The following ZC3H14 variants were observed in gnomAD, a reference collection of about 807,000 sequenced individuals.
ZC3H14 encodes zinc finger CCCH domain-containing protein 14.
ZC3H14 carries 31 observed loss-of-function variants against 92.4 expected under a neutral mutation model. That is an observed-to-expected ratio of 0.34 (90% CI 0.25 to 0.45). The LOEUF is 0.45. ZC3H14 is among the 20% of genes least tolerant of loss of function. The pLI is 1.00. For synonymous variants in ZC3H14, 321 were observed against 300.9 expected (o/e 1.07, Z -0.69); for missense variants, 781 against 897.3 (o/e 0.87, Z 1.66).
chr14:88,576,117 C>T (rs530451891), intron 8 of ZC3H14, among the ~76,000 whole-genome samples, 177 bp downstream of exon 8: 6 of 152,322 alleles, frequency 3.9e-5, no homozygotes, highest in South Asian at 2.1e-4. Context: ...TGAGAAACTT[C>T]GCCAACTGTT....
In ZC3H14 at chr14:88,601,988, GCTGT is replaced by G. The variant is rs977284867; in HGVS notation, c.1423_1426del (p.Ser475ArgfsTer3). 6.2e-7 allele frequency: 1 copy of G among 1,614,062 alleles called. No individual in the cohort carries two copies. Among genetic ancestry groups the G allele is most frequent in the Non-Finnish European group, 8.5e-7 (1 of 1,180,032 alleles). On this transcript the variant is annotated frameshift_variant, in exon 11 of 17. Coordinates refer to ENST00000251038, the MANE Select transcript of ZC3H14 (RefSeq NM_024824.5). LOFTEE classifies it high-confidence loss of function. ...GATCATTTATTCTGAAGAAGCCAAA[GCTGT>G]CTGAGGAAGTAGTAGTGGCACCAAA...
chr14:88,566,389 G>A (rs1002180392), intron 2 of ZC3H14, among the ~76,000 whole-genome samples: 7 of 152,016 alleles, frequency 4.6e-5, no homozygotes, highest in African/African-American at 1.7e-4. Flanking sequence ...GGTAATTTAT[G>A]GAGTACTTAC....
At position 88,607,459 on chromosome 14, in the gene ZC3H14, C is replaced by T. The variant is rs193042487; in HGVS notation, c.1868+96C>T. 4.9e-4 allele frequency: 670 copies of T among 1,368,964 alleles called. 2 individuals carry two copies. In the African/African-American group the frequency reaches 7.8e-3, roughly 16 times the overall value. The allele number at this position is 1,368,964 out of a possible 1,614,324, so 84.8% of individuals were successfully genotyped here. On this transcript the variant is annotated intron_variant, in intron 13 of 16. Transcript: ENST00000251038. The stretch of plus-strand genomic sequence containing the variant: ...CCCCATCTCACCTGGCAAGTACCAT[C>T]CCATCTCACCCAGCAAGTACCATCC...
intron 15 of ZC3H14, 130 bp from the exon 16 acceptor site, chr14:88,610,704 T>C (rs1362607007): frequency 2.3e-6 from 2 of 860,480 alleles, no homozygotes; most frequent in African/African-American, 3.4e-5. Context: ...CTCGGGAGAC[T>C]GAGGCAAGAG....
chr14:88,604,081 A>G (rs944697348), intron 12 of ZC3H14, among the ~76,000 whole-genome samples: 1 of 152,152 alleles, frequency 6.6e-6, no homozygotes, highest in Non-Finnish European at 1.5e-5. Flanking sequence ...TTGACTCTGT[A>G]TGTTTTGTCT....
At chr14:88,564,253 C>T (rs1347373556) in intron 2 of ZC3H14, among the ~76,000 whole-genome samples, 1 of 152,202 alleles carries the variant, frequency 6.6e-6, no homozygotes, top group Non-Finnish European at 1.5e-5. Flanking sequence ...TGTTTTCCCT[C>T]TCTCTCTGAA....
At chr14:88,578,789 T>TTG (rs2081512662) in intron 9 of ZC3H14, among the ~76,000 whole-genome samples, 1 of 147,240 alleles carries the variant, frequency 6.8e-6, no homozygotes, top group South Asian at 2.2e-4. Context: ...AGGTTTTTTT[T>TTG]TTTTTTTTTT....
chr14:88,570,613 T>C (rs1337461823), intron 3 of ZC3H14, among the ~76,000 whole-genome samples: 5 of 152,216 alleles, frequency 3.3e-5, no homozygotes, highest in East Asian at 1.9e-4. Context: ...ACAGTAAATC[T>C]TTAGTACTTA....
In ZC3H14 at chr14:88,607,447, G is replaced by T. The variant is rs188314070; in HGVS notation, c.1868+84G>T. The stretch of plus-strand genomic sequence containing the variant: ...GCAAGTACCATCCCCCATCTCACCT[G>T]GCAAGTACCATCCCATCTCACCCAG... On this transcript the variant is annotated intron_variant, in intron 13 of 16. Coordinates refer to ENST00000251038, the MANE Select transcript of ZC3H14 (RefSeq NM_024824.5). 744 of 1,367,622 alleles carry T rather than the reference G, an allele frequency of 5.4e-4. 2 individuals carry two copies. In the African/African-American group the frequency reaches 0.013, roughly 25 times the overall value. The allele number at this position is 1,367,622 out of a possible 1,614,324, so 84.7% of individuals were successfully genotyped here.
chr14:88,599,728 A>G (rs983857819), intron 10 of ZC3H14, among the ~76,000 whole-genome samples: 2 of 152,146 alleles, frequency 1.3e-5, no homozygotes, highest in African/African-American at 4.8e-5. Flanking sequence ...TCCCACCTTC[A>G]GCATTATTTT....
chr14:88,588,255 C>T (rs2082691609), intron 9 of ZC3H14, among the ~76,000 whole-genome samples: 1 of 152,156 alleles, frequency 6.6e-6, no homozygotes, highest in Non-Finnish European at 1.5e-5. Flanking sequence ...GCCCTCCTCC[C>T]CTGAGTCGGC....
intron 5 of ZC3H14, 132 bp from the exon 6 acceptor site, chr14:88,572,446 A>T: frequency 8.2e-7 from 1 of 1,215,954 alleles, no homozygotes. Flanking sequence ...ATTTCAAAGC[A>T]GTTTTGAATG....
rs1026993003 is a variant in ZC3H14, at chr14:88,624,335, A to C, written c.*12584A>C. ...AGCGATCCACCTGCCTCAGCCTCCC[A>C]AAGTGATAAGATTACAGGTGTGAGC... On this transcript the variant is annotated 3_prime_UTR_variant, in exon 17 of 17. Coordinates refer to ENST00000251038, the MANE Select transcript of ZC3H14 (RefSeq NM_024824.5). 2 of 152,584 alleles carry C rather than the reference A, an allele frequency of 1.3e-5. No homozygotes were observed. Among genetic ancestry groups the C allele is most frequent in the Non-Finnish European group, 2.9e-5 (2 of 68,372 alleles). The allele number at this position is 152,584 out of a possible 1,614,324, so 9.5% of individuals were successfully genotyped here. A position where few individuals can be genotyped will look rare whatever the true frequency, so the allele number is the denominator to read the frequency against.
rs1232175769 is a variant in ZC3H14 at position 88,625,168 on chromosome 14, G to A, written c.*13417G>A. 6.2e-7 allele frequency: 1 copy of A among 1,605,410 alleles called. No individual in the cohort carries two copies. Among genetic ancestry groups the A allele is most frequent in the Non-Finnish European group, 8.5e-7 (1 of 1,175,706 alleles). ...GGAGGGGGAGACAAACTCATCAAAA[G>A]TTCAAATAGAGTTTAAATAGATAAT... On this transcript the variant is annotated 3_prime_UTR_variant, in exon 17 of 17. Transcript: ENST00000251038.
In ZC3H14 at chr14:88,620,946, A is replaced by AG. The variant is rs1224659865; in HGVS notation, c.*9195_*9196insG. ...CATCTTCTGCATTTAAAAAAAAAAAAAAAAAGAGTCATAGGAAACATTAAG... is the reference window on the plus strand; with the variant it reads ...CATCTTCTGCATTTAAAAAAAAAAAAGAAAAAGAGTCATAGGAAACATTAAG... On this transcript the variant is annotated 3_prime_UTR_variant, in exon 17 of 17. Coordinates refer to ENST00000251038, the MANE Select transcript of ZC3H14 (RefSeq NM_024824.5). The surrounding 1 kb of genome is among the most constrained non-coding windows in gnomAD (Gnocchi z 4.3). 1 of 1,490,908 alleles carries AG rather than the reference A, an allele frequency of 6.7e-7. No homozygotes were observed. Among genetic ancestry groups the AG allele is most frequent in the Non-Finnish European group, 8.9e-7 (1 of 1,125,756 alleles). 92.4% of individuals were successfully genotyped at this position (1,490,908 alleles called of 1,614,324 possible).
chr14:88,607,977 C>T, intron 13 of ZC3H14: 1 of 321,984 alleles, frequency 3.1e-6, no homozygotes, highest in Non-Finnish European at 5.5e-6. Flanking sequence ...CCCATCTCAC[C>T]CTGCAAGTAC....
Position 88,618,667 on chromosome 14 carries a change from C to T in ZC3H14, c.*6916C>T. The T allele has an allele frequency of 6.2e-7, 1 of 1,612,868 alleles. No individual in the cohort carries two copies. Among genetic ancestry groups the T allele is most frequent in the South Asian group, 1.1e-5 (1 of 90,718 alleles). On this transcript the variant is annotated 3_prime_UTR_variant, in exon 17 of 17. Transcript: ENST00000251038. ...TACTGTACCTGGAGATAACTGCTAT[C>T]TGCAGAGAAGTCCATTTGAATGACA...
chr14:88,570,625 A>G (rs2080263687), intron 3 of ZC3H14, among the ~76,000 whole-genome samples: 1 of 152,214 alleles, frequency 6.6e-6, no homozygotes, highest in South Asian at 2.1e-4. Flanking sequence ...TAGTACTTAC[A>G]AACAGGGTGA....
At position 88,616,706 on chromosome 14, in the gene ZC3H14, TAAAC is replaced by T. The variant is rs2087680913; in HGVS notation, c.*4959_*4962del. The T allele has an allele frequency of 1.2e-6, 2 of 1,604,340 alleles. No individual in the cohort carries two copies. The highest frequency in any genetic ancestry group is 1.3e-5 in the African/African-American group (1 of 74,778). On this transcript the variant is annotated 3_prime_UTR_variant, in exon 17 of 17. Coordinates refer to ENST00000251038, the MANE Select transcript of ZC3H14 (RefSeq NM_024824.5). ...AAAATTAGGAGTAAACTGATAATAG[TAAAC>T]AAAACACAAACTTACAAATTTTTCT...
Sources: gnomAD v4.1 joint callset for allele counts (sites outside exome capture counted in the v4.1 genomes callset) on GRCh38, gnomAD v4.1.1 for gene constraint, Gnocchi (gnomAD v3.1) non-coding constraint, MANE v1.5 for transcripts, NCBI Gene and HGNC (gene_info 2026-07-23, HGNC 2026-07-21) for gene names.